Variants in SLC6A17 observed in about 807,000 individuals in gnomAD.
SLC6A17 encodes sodium-dependent neutral amino acid transporter SLC6A17.
A neutral mutation model predicts 64.5 loss-of-function variants in SLC6A17; 21 were observed. The observed-to-expected ratio is 0.33, with a 90% confidence interval of 0.23 to 0.47. The LOEUF is 0.47. SLC6A17 is among the 20% of genes least tolerant of loss of function. The probability of loss-of-function intolerance (pLI) is 1.00; values close to 1 mark genes in which losing one functional copy is unlikely to be tolerated. For synonymous variants in SLC6A17, 372 were observed against 399.5 expected (o/e 0.93, Z 0.82); for missense variants, 682 against 963.2 (o/e 0.71, Z 3.86).
rs973711346 is a variant in SLC6A17, at chr1:110,201,076, C to A, written c.*2632C>A. ...AAAAAAAAATCCTCAAATTTATTTACCAGTCAGCTTCTTGCTGTTCCCAGT... is the reference window on the plus strand; with the variant it reads ...AAAAAAAAATCCTCAAATTTATTTAACAGTCAGCTTCTTGCTGTTCCCAGT... On this transcript the variant is annotated 3_prime_UTR_variant, in exon 12 of 12. Coordinates refer to ENST00000331565, the MANE Select transcript of SLC6A17 (RefSeq NM_001010898.4). The A allele has an allele frequency of 6.6e-6, 1 of 152,170 alleles. No individual in the cohort carries two copies. The highest frequency in any genetic ancestry group is 2.4e-5 in the African/African-American group (1 of 41,434). 9.4% of individuals were successfully genotyped at this position (152,170 alleles called of 1,614,324 possible).
chr1:110,175,893 A>G (rs1217402586), intron 5 of SLC6A17, among the ~76,000 whole-genome samples: 1 of 152,182 alleles, frequency 6.6e-6, no homozygotes, highest in East Asian at 1.9e-4. Context: ...GATTACACCC[A>G]TTTTAGAGAT....
At chr1:110,151,759 C>T (rs1038084154) in intron 1 of SLC6A17, among the ~76,000 whole-genome samples, 1 of 151,978 alleles carries the variant, frequency 6.6e-6, no homozygotes, top group African/African-American at 2.4e-5. Flanking sequence ...GTCAAGTTGG[C>T]TTTAGAAAAT....
Position 110,173,821 on chromosome 1 carries a change from C to T in SLC6A17, c.445-152C>T, listed in dbSNP as rs1162572993. The T allele has an allele frequency of 3.7e-6, 4 of 1,084,920 alleles. No individual in the cohort carries two copies. In the African/African-American group the frequency reaches 6.4e-5, roughly 17 times the overall value. 67.2% of individuals were successfully genotyped at this position (1,084,920 alleles called of 1,614,324 possible). ...GCGTGAATGGAGCGTGAGGGGAGCT[C>T]CTCCACGGCCCGCACCCTATCCCTC... On this transcript the variant is annotated intron_variant, in intron 3 of 11. Transcript: ENST00000331565.
intron 1 of SLC6A17, among the ~76,000 whole-genome samples, chr1:110,158,780 T>G (rs1018459979): frequency 6.6e-6 from 1 of 152,214 alleles, no homozygotes; most frequent in Middle Eastern, 3.2e-3. Context: ...TCAGTGCAGA[T>G]CCAGGGGCTT....
chr1:110,187,300 GGAA>G (rs1302672698), intron 6 of SLC6A17, among the ~76,000 whole-genome samples: 1 of 152,210 alleles, frequency 6.6e-6, no homozygotes, highest in Non-Finnish European at 1.5e-5. Context: ...GTCATGTGAT[GGAA>G]GAAGATTTAT....
chr1:110,152,981 G>A (rs1655648446), intron 1 of SLC6A17, among the ~76,000 whole-genome samples: 1 of 152,176 alleles, frequency 6.6e-6, no homozygotes, highest in Admixed American at 6.5e-5. Context: ...GCTTCACATA[G>A]ACCTGTTTCC....
In SLC6A17 at chr1:110,200,774, GGT is replaced by G. The variant is rs1000091998; in HGVS notation, c.*2340_*2341del. ...GTTAGACGTAGGGCCTAGAGCTCGG[GGT>G]GTGTGTGTGCGTGCTGTGTGTATGG... On this transcript the variant is annotated 3_prime_UTR_variant, in exon 12 of 12. Coordinates refer to ENST00000331565, the MANE Select transcript of SLC6A17 (RefSeq NM_001010898.4). 2.0e-5 allele frequency: 3 copies of G among 152,454 alleles called. No homozygotes were observed. The highest frequency in any genetic ancestry group is 4.8e-5 in the African/African-American group (2 of 41,388). 9.4% of individuals were successfully genotyped at this position (152,454 alleles called of 1,614,324 possible). A position where few individuals can be genotyped will look rare whatever the true frequency, so the allele number is the denominator to read the frequency against.
intron 6 of SLC6A17, among the ~76,000 whole-genome samples, chr1:110,182,764 C>G (rs989951666): frequency 2.0e-5 from 3 of 151,994 alleles, no homozygotes; most frequent in Non-Finnish European, 2.9e-5. Context: ...GACCGAGGCA[C>G]TTGGCAACAG....
Position 110,150,661 on chromosome 1 carries a change from C to G in SLC6A17, c.-310C>G, listed in dbSNP as rs1329075492. The G allele has an allele frequency of 6.6e-6, 1 of 152,222 alleles. No individual in the cohort carries two copies. The highest frequency in any genetic ancestry group is 1.5e-5 in the Non-Finnish European group (1 of 68,048). 9.4% of individuals were successfully genotyped at this position (152,222 alleles called of 1,614,324 possible). ...TGGGTCCCCGCGCCGCTCCCCTGAG[C>G]CCCGAGCGCGCGGCGGGCGGGAGCC... On this transcript the variant is annotated 5_prime_UTR_variant, in exon 1 of 12. Coordinates refer to ENST00000331565, the MANE Select transcript of SLC6A17 (RefSeq NM_001010898.4).
intron 6 of SLC6A17, among the ~76,000 whole-genome samples, chr1:110,179,272 C>T (rs1019304631): frequency 5.9e-5 from 9 of 152,170 alleles, no homozygotes. Context: ...ACATGTTTCT[C>T]TAGGGTATCT....
chr1:110,198,087 C>G lies in SLC6A17; in HGVS notation c.1827C>G (p.Arg609=), dbSNP rs745526346. ...SAWIKEEAAE[R]YLYFPNWAMA... ...CAGCCCACCCGCAGGCTGCCGAGCG[C>G]TACCTGTATTTCCCCAACTGGGCCA... The change falls in exon 12 of 12, where the codon CGC becomes CGG. Residue 609 remains arginine, a synonymous_variant. Transcript: ENST00000331565. 6.2e-6 allele frequency: 10 copies of G among 1,612,316 alleles called. No individual in the cohort carries two copies. The highest frequency in any genetic ancestry group is 8.5e-6 in the Non-Finnish European group (10 of 1,179,316).
intron 1 of SLC6A17, among the ~76,000 whole-genome samples, chr1:110,161,607 C>T (rs1037007505): frequency 6.6e-6 from 1 of 152,064 alleles, no homozygotes; most frequent in Admixed American, 6.5e-5. Context: ...GATGGTGGCT[C>T]CCCCACTCAC....
chr1:110,187,830 C>T lies in SLC6A17; in HGVS notation c.865-4142C>T, dbSNP rs148860665. Among the ~76,000 whole-genome samples, 6 of 152,348 alleles carry T rather than the reference C, an allele frequency of 3.9e-5. No homozygotes were observed. The East Asian group carries it at 1.2e-3, about 29-fold the overall frequency. On this transcript the variant is annotated intron_variant, in intron 6 of 11. Coordinates refer to ENST00000331565, the MANE Select transcript of SLC6A17 (RefSeq NM_001010898.4). ...AAAAATTATTTTTCAAAAACTCACC[C>T]AAGAGATGGGAATTAACACAAGTCC...
intron 1 of SLC6A17, among the ~76,000 whole-genome samples, chr1:110,162,350 A>G (rs1655936250): frequency 6.6e-6 from 1 of 152,228 alleles, no homozygotes; most frequent in African/African-American, 2.4e-5. Flanking sequence ...GCTCACACCC[A>G]TAAGCAGGAG....
intron 8 of SLC6A17, 43 bp from the exon 9 acceptor site, chr1:110,194,536 G>T (rs769240060): frequency 6.3e-7 from 1 of 1,597,140 alleles, no homozygotes; most frequent in Non-Finnish European, 8.6e-7. Context: ...GGCTCCCCAG[G>T]GAGGGGTGAC....
chr1:110,156,096 G>T (rs867057113), intron 1 of SLC6A17, among the ~76,000 whole-genome samples: 1 of 152,160 alleles, frequency 6.6e-6, no homozygotes, highest in Non-Finnish European at 1.5e-5. Flanking sequence ...CCCGGTGGGC[G>T]CTGTCCATGG....
rs1467311423 is a variant in SLC6A17 at position 110,200,723 on chromosome 1, AGCCTTTTGCTGTGTCTTC to A, written c.*2282_*2299del. On this transcript the variant is annotated 3_prime_UTR_variant, in exon 12 of 12. Coordinates refer to ENST00000331565, the MANE Select transcript of SLC6A17 (RefSeq NM_001010898.4). Reference sequence around the variant, plus strand: ...GTGTGGGCGCGCTAGTGCTCGTTGTAGCCTTTTGCTGTGTCTTCGCTGTGTGTTAGACGTAGGGCCTAG... The same window carrying A: ...GTGTGGGCGCGCTAGTGCTCGTTGTAGCTGTGTGTTAGACGTAGGGCCTAG... The A allele has an allele frequency of 1.3e-5, 2 of 152,284 alleles. No individual in the cohort carries two copies. The highest frequency in any genetic ancestry group is 4.8e-5 in the African/African-American group (2 of 41,376). The allele number at this position is 152,284 out of a possible 1,614,324, so 9.4% of individuals were successfully genotyped here. A position where few individuals can be genotyped will look rare whatever the true frequency, so the allele number is the denominator to read the frequency against.
intron 3 of SLC6A17, 65 bp from the exon 4 acceptor site, chr1:110,173,896 CTGGGCCTCGGGT>C: frequency 3.3e-6 from 5 of 1,517,630 alleles, no homozygotes; most frequent in Admixed American, 4.1e-5. Context: ...TGCCGACGTG[CTGGGCCTCGGGT>C]GGAGCGTGGG....
chr1:110,170,479 C>G (rs1160287871), intron 2 of SLC6A17, among the ~76,000 whole-genome samples: 3 of 152,116 alleles, frequency 2.0e-5, no homozygotes, highest in African/African-American at 7.2e-5. Flanking sequence ...GCAAGACTCC[C>G]TCTCAAAATA....
Sources: gnomAD v4.1 joint callset for allele counts (sites outside exome capture counted in the v4.1 genomes callset) on GRCh38, gnomAD v4.1.1 for gene constraint, MANE v1.5 for transcripts, NCBI Gene and HGNC (gene_info 2026-07-23, HGNC 2026-07-21) for gene names.